The following ERC2 variants were observed in gnomAD, a reference collection of about 807,000 sequenced individuals.
ERC2 encodes the protein ELKS/RAB6-interacting/CAST family member 2.
In ERC2, 42 loss-of-function variants were observed where a neutral mutation model predicts 114.8. The ratio of observed to expected loss-of-function variants is 0.37; its 90% CI spans 0.29 to 0.47. The LOEUF (loss-of-function observed/expected upper bound fraction) is 0.47, where lower values mean the gene tolerates loss of function less well. ERC2 is among the 20% of genes least tolerant of loss of function. The pLI, the probability that ERC2 is intolerant of heterozygous loss-of-function variation, is 0.99. For synonymous variants in ERC2, 454 were observed against 425.5 expected, an observed-to-expected ratio of 1.07 and a Z score of -0.82; for missense variants, 939 against 1,150.7, an observed-to-expected ratio of 0.82 and a Z score of 2.66.
chr3:55,595,465 G>A (rs1175878212), intron 17 of ERC2, among the ~76,000 whole-genome samples: 1 of 152,148 alleles, frequency 6.6e-6, no homozygotes, highest in East Asian at 1.9e-4. Context: ...GGAGAGAGAG[G>A]GAGGTGTAAA....
At chr3:55,539,716 T>C (rs1006134601) in intron 17 of ERC2, among the ~76,000 whole-genome samples, 1 of 152,010 alleles carries the variant, frequency 6.6e-6, no homozygotes, top group Non-Finnish European at 1.5e-5. Flanking sequence ...CGTGAGCCAC[T>C]GCGCCCCACC....
chr3:55,830,015 G>C (rs1034090407), intron 14 of ERC2, among the ~76,000 whole-genome samples: 1 of 152,074 alleles, frequency 6.6e-6, no homozygotes, highest in African/African-American at 2.4e-5. Context: ...CCCACCTGCA[G>C]CTACATCCAA....
intron 7 of ERC2, among the ~76,000 whole-genome samples, chr3:56,029,288 G>A (rs1471246992): frequency 1.3e-5 from 2 of 151,918 alleles, no homozygotes; most frequent in East Asian, 3.8e-4. Flanking sequence ...TATTCTTTTT[G>A]TTTTTTAATT....
chr3:55,827,709 T>A (rs2149173270), intron 14 of ERC2, among the ~76,000 whole-genome samples: 1 of 152,334 alleles, frequency 6.6e-6, no homozygotes, highest in East Asian at 1.9e-4. Flanking sequence ...CCTGAAACCA[T>A]GATCCTACCT....
At chr3:55,683,162 A>G (rs2062142724) in intron 17 of ERC2, among the ~76,000 whole-genome samples, 1 of 152,248 alleles carries the variant, frequency 6.6e-6, no homozygotes, top group African/African-American at 2.4e-5. Flanking sequence ...AAATGTCACT[A>G]ATAAGACCTG....
At chr3:55,942,301 T>TTTTTTTTTTTTTTTTTTTTG (rs1559906638) in intron 13 of ERC2, among the ~76,000 whole-genome samples, 1 of 120,780 alleles carries the variant, frequency 8.3e-6, no homozygotes, top group African/African-American at 3.4e-5. Context: ...TTTTTTTTTT[T>TTTTTTTTTTTTTTTTTTTTG]TTGTTGAGAC....
intron 17 of ERC2, among the ~76,000 whole-genome samples, chr3:55,671,879 G>A (rs2061574850): frequency 6.6e-6 from 1 of 152,178 alleles, no homozygotes; most frequent in South Asian, 2.1e-4. Flanking sequence ...AAGAAAAGGG[G>A]CTGTGAGCAA....
intron 14 of ERC2, among the ~76,000 whole-genome samples, chr3:55,868,256 G>C (rs539698107): frequency 1.3e-5 from 2 of 152,188 alleles, no homozygotes; most frequent in Non-Finnish European, 2.9e-5. Context: ...GTCAAGTCCT[G>C]CATCTACAAC....
At chr3:56,365,916 G>C (rs2059132505) in intron 2 of ERC2, among the ~76,000 whole-genome samples, 1 of 152,154 alleles carries the variant, frequency 6.6e-6, no homozygotes, top group African/African-American at 2.4e-5. Context: ...GGTTAGATTA[G>C]ATTGGAGTTC....
intron 14 of ERC2, among the ~76,000 whole-genome samples, chr3:55,877,243 G>A (rs961384791): frequency 6.6e-6 from 1 of 152,106 alleles, no homozygotes; most frequent in African/African-American, 2.4e-5. Flanking sequence ...CTCCAGTTGG[G>A]ATGACCAAAA....
At chr3:55,903,196 C>T (rs558983371) in intron 13 of ERC2, among the ~76,000 whole-genome samples, 10 of 152,128 alleles carry the variant, frequency 6.6e-5, no homozygotes, top group South Asian at 2.1e-4. Flanking sequence ...ACATTTTCTA[C>T]GATGTATGTC....
rs184414238 is a variant in ERC2, at chr3:56,210,146, C to T, written c.1075-36626G>A. Among the ~76,000 whole-genome samples, 150 of 152,228 alleles carry T rather than the reference C, an allele frequency of 9.9e-4. 2 individuals carry two copies. Among genetic ancestry groups the T allele is most frequent in the Non-Finnish European group, 1.3e-4 (9 of 68,020 alleles). ...ACAATAGTTCTCTTTTGTGCAAGAG[C>T]GAACTACCTGGGGGCTGATAAATCA... is the stretch of plus-strand genomic sequence containing the variant. On this transcript the variant is annotated intron_variant, in intron 3 of 17. Coordinates refer to ENST00000288221, the MANE Select transcript of ERC2 (RefSeq NM_015576.3).
At chr3:55,722,134 T>C (rs2148888788) in intron 15 of ERC2, among the ~76,000 whole-genome samples, 1 of 152,258 alleles carries the variant, frequency 6.6e-6, no homozygotes, top group East Asian at 1.9e-4. Context: ...GTGTCAAAGA[T>C]CATTTGAATG....
chr3:56,005,942 T>A (rs2072450985), intron 10 of ERC2, among the ~76,000 whole-genome samples: 2 of 152,200 alleles, frequency 1.3e-5, no homozygotes. Context: ...TCAATCTCCA[T>A]TTAAACACCC....
chr3:55,617,700 A>G (rs28753936), intron 17 of ERC2, among the ~76,000 whole-genome samples: 2,391 of 152,336 alleles, frequency 0.016, 74 homozygotes, highest in African/African-American at 0.055. Context: ...GTCTGCCTAC[A>G]CTTCAGTGAA....
At chr3:56,242,749 GA>G (rs2051406986) in intron 3 of ERC2, among the ~76,000 whole-genome samples, 1 of 151,950 alleles carries the variant, frequency 6.6e-6, no homozygotes, top group African/African-American at 2.4e-5. Context: ...AACAAAGAAA[GA>G]AAAAGTTTGC....
At chr3:55,901,356 G>A (rs778021931) in intron 13 of ERC2, among the ~76,000 whole-genome samples, 1 of 152,146 alleles carries the variant, frequency 6.6e-6, no homozygotes, top group African/African-American at 2.4e-5. Flanking sequence ...GTCTCATAAG[G>A]TTGCTATCAA....
intron 17 of ERC2, among the ~76,000 whole-genome samples, chr3:55,532,998 G>T (rs1487262654): frequency 2.0e-5 from 3 of 152,232 alleles, no homozygotes; most frequent in South Asian, 4.1e-4. Flanking sequence ...AGGGCCCTTG[G>T]CCCCTAAAAT....
intron 2 of ERC2, among the ~76,000 whole-genome samples, chr3:56,416,886 T>C (rs1242960700): frequency 6.6e-6 from 1 of 152,178 alleles, no homozygotes; most frequent in Non-Finnish European, 1.5e-5. Context: ...ATCATATTGT[T>C]TGACCTTCTG....
Sources: gnomAD v4.1 joint callset for allele counts (sites outside exome capture counted in the v4.1 genomes callset) on GRCh38, gnomAD v4.1.1 for gene constraint, MANE v1.5 for transcripts, NCBI Gene and HGNC (gene_info 2026-07-23, HGNC 2026-07-21) for gene names.